Variants in ZSWIM5 observed in about 807,000 individuals in gnomAD.
ZSWIM5 encodes zinc finger SWIM domain-containing protein 5.
In ZSWIM5, 55 loss-of-function variants were observed where a neutral mutation model predicts 119.6. The ratio of observed to expected loss-of-function variants is 0.46; its 90% CI spans 0.37 to 0.58. The LOEUF (loss-of-function observed/expected upper bound fraction) is 0.58, where lower values mean the gene tolerates loss of function less well. Among genes scored for constraint, ZSWIM5 ranks in the 20% least tolerant of loss-of-function variants. The pLI, the probability that ZSWIM5 is intolerant of heterozygous loss-of-function variation, is 0.00. For synonymous variants in ZSWIM5, 537 were observed against 606.9 expected, an observed-to-expected ratio of 0.88 and a Z score of 1.69; for missense variants, 1,193 against 1,512.8, an observed-to-expected ratio of 0.79 and a Z score of 3.51.
chr1:45,050,898 A>G lies in ZSWIM5; in HGVS notation c.1432+176T>C, dbSNP rs538249334. ...GGACAGCAACTCAATGTCAAAGATAAAAGCTTATCCTTACTTAAGGTTCGG... is the reference window on the plus strand; with the variant it reads ...GGACAGCAACTCAATGTCAAAGATAGAAGCTTATCCTTACTTAAGGTTCGG... On this transcript the variant is annotated intron_variant, in intron 5 of 13. Coordinates refer to ENST00000359600, the MANE Select transcript of ZSWIM5 (RefSeq NM_020883.2). Among the ~76,000 whole-genome samples the G allele has an allele frequency of 2.0e-5, 3 of 152,338 alleles. No individual in the cohort carries two copies. In the East Asian group the frequency reaches 5.8e-4, roughly 29 times the overall value.
At chr1:45,177,319 C>G (rs1645987455) in intron 1 of ZSWIM5, among the ~76,000 whole-genome samples, 1 of 152,088 alleles carries the variant, frequency 6.6e-6, no homozygotes, top group Non-Finnish European at 1.5e-5. Flanking sequence ...TTGTTATAGA[C>G]TCTAACAAGG....
At chr1:45,102,520 G>T (rs1267996154) in intron 1 of ZSWIM5, among the ~76,000 whole-genome samples, 1 of 152,024 alleles carries the variant, frequency 6.6e-6, no homozygotes, top group African/African-American at 2.4e-5. Flanking sequence ...CACATTTATC[G>T]TTTCCCTTTA....
chr1:45,178,308 C>T (rs778711207), intron 1 of ZSWIM5, among the ~76,000 whole-genome samples: 6 of 152,044 alleles, frequency 3.9e-5, no homozygotes, highest in Non-Finnish European at 8.8e-5. Context: ...CCTGTGGTAC[C>T]ACCTACTCGA....
chr1:45,152,251 T>G (rs1645801296), intron 1 of ZSWIM5, among the ~76,000 whole-genome samples: 1 of 151,544 alleles, frequency 6.6e-6, no homozygotes, highest in Non-Finnish European at 1.5e-5. Flanking sequence ...AAAAAAAAAG[T>G]GAAGAACAGA....
intron 1 of ZSWIM5, among the ~76,000 whole-genome samples, chr1:45,129,153 GTTTTTTTTTTTT>G (rs869042927): frequency 4.3e-5 from 3 of 70,160 alleles, no homozygotes; most frequent in East Asian, 5.1e-4. Context: ...CATACATCTT[GTTTTTTTTTTTT>G]TTTTTTTTTT....
intron 1 of ZSWIM5, among the ~76,000 whole-genome samples, chr1:45,200,935 A>G (rs1292528146): frequency 1.3e-5 from 2 of 152,182 alleles, no homozygotes; most frequent in African/African-American, 2.4e-5. Flanking sequence ...ATACCTCAGA[A>G]CATAACCTCA....
rs556934290 is a variant in ZSWIM5, at chr1:45,176,897, C to T, written c.595+28859G>A. ...CCCCTTCATGTGGATACCCTCCTCA[C>T]CCCACTTTGGCTCTAGCACCCCATG... On this transcript the variant is annotated intron_variant, in intron 1 of 13. Transcript: ENST00000359600. 9.9e-5 allele frequency among the ~76,000 whole-genome samples: 15 copies of T among 152,204 alleles called. No homozygotes were observed. The South Asian group carries it at 3.1e-3, about 32-fold the overall frequency.
At chr1:45,054,573 C>T (rs1275702051) in intron 4 of ZSWIM5, among the ~76,000 whole-genome samples, 1 of 152,126 alleles carries the variant, frequency 6.6e-6, no homozygotes, top group South Asian at 2.1e-4. Flanking sequence ...CAGAGTGAGA[C>T]ACTTTCTCAA....
intron 1 of ZSWIM5, among the ~76,000 whole-genome samples, chr1:45,120,060 C>T (rs1428024004): frequency 1.3e-5 from 2 of 152,120 alleles, no homozygotes; most frequent in South Asian, 2.1e-4. Flanking sequence ...AAAACCCATA[C>T]AAGCCAGGCG....
At chr1:45,090,101 T>G (rs1400814010) in intron 1 of ZSWIM5, among the ~76,000 whole-genome samples, 1 of 152,136 alleles carries the variant, frequency 6.6e-6, no homozygotes, top group African/African-American at 2.4e-5. Context: ...CAGAGAAAAC[T>G]TTACAAGATT....
At chr1:45,105,897 G>C (rs185797996) in intron 1 of ZSWIM5, among the ~76,000 whole-genome samples, 1,485 of 138,224 alleles carry the variant, frequency 0.011, 54 homozygotes, top group African/African-American at 0.041. Context: ...ACCTCTGCCC[G>C]GCCGCCCCGT....
intron 1 of ZSWIM5, among the ~76,000 whole-genome samples, chr1:45,144,427 T>A (rs1167729712): frequency 4.6e-5 from 7 of 151,792 alleles, no homozygotes; most frequent in Non-Finnish European, 8.8e-5. Context: ...CCCAGCTCCT[T>A]GGGAGGTTGA....
Position 45,206,448 on chromosome 1 carries a change from T to A in ZSWIM5, c.-98A>T. On this transcript the variant is annotated 5_prime_UTR_variant, in exon 1 of 14. Coordinates refer to ENST00000359600, the MANE Select transcript of ZSWIM5 (RefSeq NM_020883.2). ...CGCGCCCCGCGCAAGCGCCCAGCGGTGGCGCCGAGGGGGGCGGGGCGAGAG... is the reference window on the plus strand; with the variant it reads ...CGCGCCCCGCGCAAGCGCCCAGCGGAGGCGCCGAGGGGGGCGGGGCGAGAG... 8.2e-7 allele frequency: 1 copy of A among 1,225,466 alleles called. No homozygotes were observed. Among genetic ancestry groups the A allele is most frequent in the Non-Finnish European group, 1.0e-6 (1 of 984,310 alleles). The allele number at this position is 1,225,466 out of a possible 1,614,324, so 75.9% of individuals were successfully genotyped here. A position where few individuals can be genotyped will look rare whatever the true frequency, so the allele number is the denominator to read the frequency against.
chr1:45,045,605 C>T (rs1378317210), intron 5 of ZSWIM5, among the ~76,000 whole-genome samples: 1 of 152,150 alleles, frequency 6.6e-6, no homozygotes, highest in African/African-American at 2.4e-5. Context: ...CACAATGACT[C>T]TTCTACTGGC....
At chr1:45,201,736 T>C (rs1459989086) in intron 1 of ZSWIM5, among the ~76,000 whole-genome samples, 1 of 152,196 alleles carries the variant, frequency 6.6e-6, no homozygotes, top group Admixed American at 6.5e-5. Flanking sequence ...CATTTAAAGC[T>C]TTCATTTGAA....
chr1:45,130,094 C>T lies in ZSWIM5; in HGVS notation c.596-41857G>A, dbSNP rs552162847. On this transcript the variant is annotated intron_variant, in intron 1 of 13. Coordinates refer to ENST00000359600, the MANE Select transcript of ZSWIM5 (RefSeq NM_020883.2). Reference sequence around the variant, plus strand: ...TGTATTTTTAGTAGAGACAGGGTTTCGCCATGTTGGCCAGGCTGGTCTCGA... The same window carrying T: ...TGTATTTTTAGTAGAGACAGGGTTTTGCCATGTTGGCCAGGCTGGTCTCGA... Among the ~76,000 whole-genome samples, 5 of 152,200 alleles carry T rather than the reference C, an allele frequency of 3.3e-5. No individual in the cohort carries two copies. In the South Asian group the frequency reaches 8.3e-4, roughly 25 times the overall value.
Position 45,036,108 on chromosome 1 carries a change from G to T in ZSWIM5, c.2086C>A (p.Leu696Ile). ...TCATCGTCCAGCTGCAGCTCTTGGA[G>T]TTGGCTCAGGAGCTGCTCCTCATTA... Reference protein sequence around the residue: ...CRNEEQLLSQLQELQLDDELV... With the variant: ...CRNEEQLLSQIQELQLDDELV... The change falls in exon 9 of 14, where the codon CTC becomes ATC. Residue 696 changes from leucine to isoleucine, a missense_variant. Leu to Ile is a conservative substitution (Grantham distance 5). Around this residue, in one of 2 missense-constraint regions of ZSWIM5, gnomAD observed 961 missense variants for 1,290.0 expected, o/e 0.74. Coordinates refer to ENST00000359600, the MANE Select transcript of ZSWIM5 (RefSeq NM_020883.2). 3 of 1,614,158 alleles carry T rather than the reference G, an allele frequency of 1.9e-6. No individual in the cohort carries two copies. Among genetic ancestry groups the T allele is most frequent in the Non-Finnish European group, 2.5e-6 (3 of 1,180,036 alleles).
rs1423233317 is a variant in ZSWIM5, at chr1:45,020,827, GT to G, written c.2450-40del. 3 of 1,597,754 alleles carry G rather than the reference GT, an allele frequency of 1.9e-6. No individual in the cohort carries two copies. In the South Asian group the frequency reaches 3.4e-5, roughly 18 times the overall value. On this transcript the variant is annotated intron_variant, in intron 11 of 13. Transcript: ENST00000359600. ...GAGAAGGGGCAGGGTCTATTTTAAA[GT>G]TTTACTAAACAGTCAGCTGACTGCA... is the stretch of plus-strand genomic sequence containing the variant.
intron 1 of ZSWIM5, among the ~76,000 whole-genome samples, chr1:45,182,391 G>A (rs906025234): frequency 1.0e-4 from 15 of 145,068 alleles, no homozygotes; most frequent in Admixed American, 2.0e-4. Flanking sequence ...GCGACAGAAC[G>A]AGACTCCGTC....
Sources: allele counts gnomAD v4.1 joint callset (sites outside exome capture counted in the v4.1 genomes callset), GRCh38; gene constraint gnomAD v4.1.1; regional missense constraint gnomAD v4.1.1; transcripts MANE v1.5; gene names NCBI Gene and HGNC (gene_info 2026-07-23, HGNC 2026-07-21).